The following FAM13A variants were observed in gnomAD, a reference collection of about 807,000 sequenced individuals.
FAM13A encodes family with sequence similarity 13 member A.
A neutral mutation model predicts 129.6 loss-of-function variants in FAM13A; 76 were observed. The ratio of observed to expected loss-of-function variants is 0.59; its 90% CI spans 0.49 to 0.71. The LOEUF (loss-of-function observed/expected upper bound fraction) is 0.71. Ranked by LOEUF, FAM13A falls within the 30% of genes least tolerant of loss-of-function variation. The pLI, the probability that FAM13A is intolerant of heterozygous loss-of-function variation, is 0.00. For synonymous variants in FAM13A, 443 were observed against 449.9 expected (o/e 0.98, Z 0.20); for missense variants, 1,108 against 1,249.3 (o/e 0.89, Z 1.70).
intron 1 of FAM13A, among the ~76,000 whole-genome samples, chr4:89,037,388 T>C (rs996224240): frequency 2.0e-5 from 3 of 152,236 alleles, no homozygotes; most frequent in Admixed American, 1.3e-4. Flanking sequence ...CCCTTTGTTT[T>C]GGCTGATTTC....
At chr4:89,032,488 T>G (rs1262450301) in intron 1 of FAM13A, among the ~76,000 whole-genome samples, 1 of 152,166 alleles carries the variant, frequency 6.6e-6, no homozygotes, top group Non-Finnish European at 1.5e-5. Flanking sequence ...TTCTAATTCT[T>G]ACACTATCGC....
chr4:89,002,249 G>A (rs1003464024), intron 3 of FAM13A, among the ~76,000 whole-genome samples: 2 of 151,536 alleles, frequency 1.3e-5, no homozygotes, highest in Admixed American at 6.6e-5. Context: ...GGAAGTGGAT[G>A]CAAGTGACTG....
intron 4 of FAM13A, among the ~76,000 whole-genome samples, chr4:88,971,586 A>G (rs1051629146): frequency 6.6e-6 from 1 of 152,176 alleles, no homozygotes; most frequent in Admixed American, 6.5e-5. Context: ...GGCTCATTGC[A>G]GCCTTGAACT....
At chr4:88,779,112 A>AT (rs1441560645) in intron 11 of FAM13A, among the ~76,000 whole-genome samples, 1 of 151,936 alleles carries the variant, frequency 6.6e-6, no homozygotes, top group East Asian at 1.9e-4. Context: ...TATCTTGGTT[A>AT]TTGTCTGTTT....
chr4:88,762,254 A>T (rs1744953642), intron 13 of FAM13A, among the ~76,000 whole-genome samples: 1 of 152,176 alleles, frequency 6.6e-6, no homozygotes, highest in Non-Finnish European at 1.5e-5. Context: ...GAGGATGAGG[A>T]TGTGTCATAT....
chr4:88,992,460 G>A (rs551170600), intron 3 of FAM13A, among the ~76,000 whole-genome samples: 3 of 151,970 alleles, frequency 2.0e-5, no homozygotes, highest in East Asian at 1.9e-4. Context: ...TAGTAGAGAC[G>A]GCATTTCACC....
At chr4:88,870,214 T>G (rs1741119236) in intron 6 of FAM13A, among the ~76,000 whole-genome samples, 1 of 152,050 alleles carries the variant, frequency 6.6e-6, no homozygotes, top group Non-Finnish European at 1.5e-5. Flanking sequence ...CCCAGCGTGA[T>G]CGATGCAGAA....
chr4:88,814,996 T>C (rs753595986), intron 7 of FAM13A, among the ~76,000 whole-genome samples: 45 of 152,036 alleles, frequency 3.0e-4, no homozygotes, highest in Admixed American at 4.6e-4. Context: ...TATGCCACCA[T>C]GCACAGATAA....
Position 88,728,465 on chromosome 4 carries a change from G to T in FAM13A, c.*68C>A. On this transcript the variant is annotated 3_prime_UTR_variant, in exon 24 of 24. Coordinates refer to ENST00000264344, the MANE Select transcript of FAM13A (RefSeq NM_014883.4). ...GCCAGCCCCAAGGCTGCCTTCCAGA[G>T]CTGCACTTTCTCTGGGGACAGTAAA... 9 of 1,603,418 alleles carry T rather than the reference G, an allele frequency of 5.6e-6. No individual in the cohort carries two copies. The highest frequency in any genetic ancestry group is 2.1e-4 in the Middle Eastern group (1 of 4,706).
At chr4:89,054,662 GAT>G (rs1772002496) in intron 1 of FAM13A, among the ~76,000 whole-genome samples, 1 of 152,088 alleles carries the variant, frequency 6.6e-6, no homozygotes, top group East Asian at 1.9e-4. Context: ...ATTGTCTTAA[GAT>G]CTACTTCCTG....
intron 6 of FAM13A, among the ~76,000 whole-genome samples, chr4:88,857,544 G>A (rs182379468): frequency 1.4e-3 from 212 of 149,114 alleles, no homozygotes; most frequent in African/African-American, 4.7e-3. Flanking sequence ...CAGGATAATC[G>A]CTTGAACCTG....
intron 3 of FAM13A, among the ~76,000 whole-genome samples, chr4:89,003,354 T>A (rs1764541979): frequency 6.6e-6 from 1 of 151,482 alleles, no homozygotes; most frequent in Admixed American, 6.6e-5. Flanking sequence ...CTCACACCTG[T>A]AATCCCAGCA....
At chr4:88,817,620 A>G (rs753313250) in intron 7 of FAM13A, among the ~76,000 whole-genome samples, 8 of 152,236 alleles carry the variant, frequency 5.3e-5, no homozygotes, top group Non-Finnish European at 1.2e-4. Flanking sequence ...TAGTGCATTA[A>G]AAATGTTTAA....
chr4:89,003,773 C>A (rs552695728), intron 3 of FAM13A, among the ~76,000 whole-genome samples: 1 of 151,892 alleles, frequency 6.6e-6, no homozygotes, highest in African/African-American at 2.4e-5. Flanking sequence ...TATCAATATT[C>A]GAAGAAATTG....
At chr4:88,894,458 A>T (rs745925197) in intron 6 of FAM13A, among the ~76,000 whole-genome samples, 1 of 152,052 alleles carries the variant, frequency 6.6e-6, no homozygotes, top group African/African-American at 2.4e-5. Flanking sequence ...AGCATATATT[A>T]TGTATAAGTA....
At position 88,749,052 on chromosome 4, in the gene FAM13A, G is replaced by C; in HGVS notation, c.2080-19C>G. 1 of 1,576,748 alleles carries C rather than the reference G, an allele frequency of 6.3e-7. No homozygotes were observed. The highest frequency in any genetic ancestry group is 8.7e-7 in the Non-Finnish European group (1 of 1,146,948). On this transcript the variant is annotated intron_variant, in intron 16 of 23. Transcript: ENST00000264344. ...GGGAAGGCTGAGAAAAGGAAGTCTAGAGTAAATGCTTTGGAACTGGAGCAG... is the reference window on the plus strand; with the variant it reads ...GGGAAGGCTGAGAAAAGGAAGTCTACAGTAAATGCTTTGGAACTGGAGCAG...
At chr4:88,920,894 C>T (rs1264206088) in intron 5 of FAM13A, among the ~76,000 whole-genome samples, 2 of 151,920 alleles carry the variant, frequency 1.3e-5, no homozygotes, top group African/African-American at 2.4e-5. Context: ...TCGAGAACTA[C>T]GTGAAGAATG....
chr4:88,800,788 A>T (rs547344808), intron 8 of FAM13A, among the ~76,000 whole-genome samples: 149 of 152,210 alleles, frequency 9.8e-4, no homozygotes, highest in Non-Finnish European at 9.3e-4. Context: ...GTCTAAAGAC[A>T]TCCAGATACC....
chr4:88,988,040 ACT>A (rs1762487164), intron 4 of FAM13A, among the ~76,000 whole-genome samples: 1 of 152,130 alleles, frequency 6.6e-6, no homozygotes, highest in African/African-American at 2.4e-5. Flanking sequence ...GCTAATGTAT[ACT>A]GTGCTTAACA....
Sources: gnomAD v4.1 joint callset for allele counts (sites outside exome capture counted in the v4.1 genomes callset) on GRCh38, gnomAD v4.1.1 for gene constraint, MANE v1.5 for transcripts, NCBI Gene and HGNC (gene_info 2026-07-23, HGNC 2026-07-21) for gene names.